RHOJ: variants seen among roughly 807,000 people sequenced by gnomAD.
RHOJ encodes rho-related GTP-binding protein RhoJ.
Under a neutral mutation model 23.4 loss-of-function variants are expected in RHOJ, and 11 were observed. The observed-to-expected ratio is 0.47, with a 90% CI of 0.30 to 0.78. RHOJ has a LOEUF of 0.78. RHOJ is among the 30% of genes least tolerant of loss of function. The pLI, the probability that RHOJ is intolerant of heterozygous loss-of-function variation, is 0.08. For missense variants in RHOJ, 254 were observed against 273.4 expected (o/e 0.93, Z 0.50); for synonymous variants, 102 against 102.7 (o/e 0.99, Z 0.04).
chr14:63,223,472 C>T (rs1894535747), intron 1 of RHOJ, among the ~76,000 whole-genome samples: 1 of 152,216 alleles, frequency 6.6e-6, no homozygotes, highest in African/African-American at 2.4e-5. Flanking sequence ...TCTCATCCCC[C>T]TGTATCAGTG....
At chr14:63,270,922 C>T (rs573085439) in intron 2 of RHOJ, among the ~76,000 whole-genome samples, 89 of 152,288 alleles carry the variant, frequency 5.8e-4, no homozygotes, top group Admixed American at 1.0e-3. Context: ...AGAAAAACCT[C>T]CACAGGCTTC....
chr14:63,233,734 T>C (rs182955309), intron 1 of RHOJ, among the ~76,000 whole-genome samples: 54 of 152,342 alleles, frequency 3.5e-4, no homozygotes, highest in African/African-American at 1.3e-3. Flanking sequence ...CTCTCTTCCC[T>C]GGACCATTAT....
chr14:63,222,540 C>A (rs928082441), intron 1 of RHOJ, among the ~76,000 whole-genome samples: 1 of 152,172 alleles, frequency 6.6e-6, no homozygotes, highest in African/African-American at 2.4e-5. Flanking sequence ...GATGGTATCT[C>A]ATTGTGGTTG....
chr14:63,283,266 T>C lies in RHOJ; in HGVS notation c.498+50T>C, dbSNP rs1212063173. 2.0e-6 allele frequency: 3 copies of C among 1,466,500 alleles called. No individual in the cohort carries two copies. In the South Asian group the frequency reaches 3.4e-5, roughly 17 times the overall value. 90.8% of individuals were successfully genotyped at this position (1,466,500 alleles called of 1,614,324 possible). A position where few individuals can be genotyped will look rare whatever the true frequency, so the allele number is the denominator to read the frequency against. On this transcript the variant is annotated intron_variant, in intron 4 of 4. Transcript: ENST00000316754. Reference sequence around the variant, plus strand: ...TTAAATGTATGCTGAGAGAAGAGTGTGTTGTATGCTTTGGAAATGGGTGTG... The same window carrying C: ...TTAAATGTATGCTGAGAGAAGAGTGCGTTGTATGCTTTGGAAATGGGTGTG...
At chr14:63,259,146 G>A (rs1271496642) in intron 1 of RHOJ, among the ~76,000 whole-genome samples, 1 of 152,096 alleles carries the variant, frequency 6.6e-6, no homozygotes, top group Non-Finnish European at 1.5e-5. Context: ...TGCCATGTTG[G>A]CCAGGCTGGT....
intron 4 of RHOJ, among the ~76,000 whole-genome samples, chr14:63,290,483 A>C (rs1882211463): frequency 6.6e-6 from 1 of 152,122 alleles, no homozygotes; most frequent in African/African-American, 2.4e-5. Context: ...GATATGAAAA[A>C]CAAGATCATG....
At chr14:63,265,723 G>T (rs562507282) in intron 1 of RHOJ, among the ~76,000 whole-genome samples, 1 of 152,214 alleles carries the variant, frequency 6.6e-6, no homozygotes, top group Non-Finnish European at 1.5e-5. Flanking sequence ...GCATTTTAGG[G>T]GGGGACAGAA....
chr14:63,270,367 C>G (rs1021936460), intron 2 of RHOJ, among the ~76,000 whole-genome samples: 4 of 152,106 alleles, frequency 2.6e-5, no homozygotes, highest in African/African-American at 9.7e-5. Context: ...AAATCTAGCA[C>G]CAGACTCAAA....
At chr14:63,234,573 T>C (rs1894753856) in intron 1 of RHOJ, among the ~76,000 whole-genome samples, 3 of 152,226 alleles carry the variant, frequency 2.0e-5, no homozygotes, top group South Asian at 4.1e-4. Flanking sequence ...AGTAATGCCA[T>C]TTTGTGGTTG....
Position 63,291,134 on chromosome 14 carries a change from C to A in RHOJ, c.*110C>A. 1 of 1,286,022 alleles carries A rather than the reference C, an allele frequency of 7.8e-7. No homozygotes were observed. The highest frequency in any genetic ancestry group is 1.1e-6 in the Non-Finnish European group (1 of 900,244). 79.7% of individuals were successfully genotyped at this position (1,286,022 alleles called of 1,614,324 possible). On this transcript the variant is annotated 3_prime_UTR_variant, in exon 5 of 5. Transcript: ENST00000316754. ...CACGACCAGAAAGGAACTCCCTTTG[C>A]ACGGAGGCTTGCCCCATCACCCTCT...
At chr14:63,261,083 C>T (rs143657737) in intron 1 of RHOJ, among the ~76,000 whole-genome samples, 6 of 152,214 alleles carry the variant, frequency 3.9e-5, no homozygotes, top group African/African-American at 1.4e-4. Flanking sequence ...TGTCCACATT[C>T]ACCAGCACTG....
In RHOJ at chr14:63,253,370, G is replaced by C. The variant is rs527379012; in HGVS notation, c.179-15740G>C. On this transcript the variant is annotated intron_variant, in intron 1 of 4. Transcript: ENST00000316754. ...TATAACGTCAAACTCCTGGGTTAAA[G>C]AATCACCTGCCTCAGCTTCCCAAGT... Among the ~76,000 whole-genome samples the C allele has an allele frequency of 2.6e-5, 4 of 152,090 alleles. No individual in the cohort carries two copies. The East Asian group carries it at 7.8e-4, about 30-fold the overall frequency.
chr14:63,225,142 T>G (rs1017756976), intron 1 of RHOJ, among the ~76,000 whole-genome samples: 1 of 152,014 alleles, frequency 6.6e-6, no homozygotes, highest in African/African-American at 2.4e-5. Flanking sequence ...TAGTAGAGAC[T>G]GGGTTTCACT....
chr14:63,288,181 T>C (rs1882142249), intron 4 of RHOJ: 1 of 985,294 alleles, frequency 1.0e-6, no homozygotes, highest in African/African-American at 1.7e-5. Context: ...TATTTCATTA[T>C]CTTCAGAAAT....
rs552401925 is a variant in RHOJ, at chr14:63,269,443, C to A, written c.237+275C>A. The A allele has an allele frequency of 2.9e-5, 9 of 305,598 alleles. No homozygotes were observed. In the South Asian group the frequency reaches 8.1e-4, roughly 28 times the overall value. 18.9% of individuals were successfully genotyped at this position (305,598 alleles called of 1,614,324 possible). A position where few individuals can be genotyped will look rare whatever the true frequency, so the allele number is the denominator to read the frequency against. On this transcript the variant is annotated intron_variant, in intron 2 of 4. Transcript: ENST00000316754. ...AACCAGAATAACAGATATGTGACCA[C>A]GAGTTTCAATTTCTTTCTGTGGAAA...
chr14:63,207,192 T>C (rs1894130917), intron 1 of RHOJ, among the ~76,000 whole-genome samples: 2 of 151,940 alleles, frequency 1.3e-5, no homozygotes, highest in Non-Finnish European at 2.9e-5. Context: ...CAACCATGCC[T>C]GGCTAATTTT....
In RHOJ at chr14:63,290,363, ACT is replaced by A. The variant is rs530009117; in HGVS notation, c.499-510_499-509del. The stretch of plus-strand genomic sequence containing the variant: ...AATGACCTATAAAACCATATCATTC[ACT>A]CTCTTTCTATCTGCTTTATCAACCA... On this transcript the variant is annotated intron_variant, in intron 4 of 4. Coordinates refer to ENST00000316754, the MANE Select transcript of RHOJ (RefSeq NM_020663.5). Among the ~76,000 whole-genome samples, 30 of 152,278 alleles carry A rather than the reference ACT, an allele frequency of 2.0e-4. 2 individuals are homozygous for A. The South Asian group carries it at 6.2e-3, about 32-fold the overall frequency.
intron 1 of RHOJ, among the ~76,000 whole-genome samples, chr14:63,242,211 A>G (rs1894895021): frequency 6.6e-6 from 1 of 152,204 alleles, no homozygotes; most frequent in Non-Finnish European, 1.5e-5. Context: ...AATGGCCACA[A>G]TTTTTTGCTA....
At chr14:63,283,021 A>G in intron 3 of RHOJ, 100 bp from the exon 4 acceptor site, 2 of 936,072 alleles carry the variant, frequency 2.1e-6, no homozygotes, top group Non-Finnish European at 1.7e-6. Context: ...TAGCAACTTC[A>G]AAGATGTTAA....
Sources: allele counts gnomAD v4.1 joint callset (sites outside exome capture counted in the v4.1 genomes callset), GRCh38; gene constraint gnomAD v4.1.1; transcripts MANE v1.5; gene names NCBI Gene and HGNC (gene_info 2026-07-23, HGNC 2026-07-21).